CSMD2: variants seen among roughly 807,000 people sequenced by gnomAD.
CSMD2 encodes the protein CUB and sushi domain-containing protein 2.
A neutral mutation model predicts 398.5 loss-of-function variants in CSMD2; 130 were observed. That is an observed-to-expected ratio of 0.33 (90% CI 0.28 to 0.38). CSMD2 has a LOEUF of 0.38. CSMD2 is among the 10% of genes least tolerant of loss of function. CSMD2 has a pLI of 1.00. For missense variants in CSMD2, 3,829 were observed against 4,764.9 expected (o/e 0.80, Z 5.78); for synonymous variants, 1,828 against 1,908.5 (o/e 0.96, Z 1.10).
intron 44 of CSMD2, among the ~76,000 whole-genome samples, chr1:33,595,938 G>T (rs887886118): frequency 9.2e-5 from 14 of 152,290 alleles, no homozygotes; most frequent in Admixed American, 9.1e-4. Flanking sequence ...AAACACACAT[G>T]TACTCAAACA....
upstream of CSMD2, chr1:34,165,287 C>A: frequency 1.7e-6 from 2 of 1,205,512 alleles, no homozygotes; most frequent in Non-Finnish European, 2.1e-6. Context: ...AAATGACTCG[C>A]TCCAATCCCG....
intron 13 of CSMD2, among the ~76,000 whole-genome samples, chr1:33,768,696 C>T (rs997468497): frequency 1.3e-5 from 2 of 152,022 alleles, no homozygotes; most frequent in African/African-American, 4.8e-5. Flanking sequence ...TTTCCCACAG[C>T]ATCTCTTTCC....
intron 2 of CSMD2, among the ~76,000 whole-genome samples, chr1:34,073,461 A>T (rs769791323): frequency 8.7e-4 from 132 of 152,210 alleles, no homozygotes; most frequent in Non-Finnish European, 1.7e-3. Flanking sequence ...ATCCTTATTT[A>T]AAAAGAAATT....
At position 34,045,038 on chromosome 1, in the gene CSMD2, T is replaced by TACACAC. The variant is rs10588687; in HGVS notation, c.405-12338_405-12333dup. Among the ~76,000 whole-genome samples, 1,227 of 142,814 alleles carry TACACAC rather than the reference T, an allele frequency of 8.6e-3. 14 individuals are homozygous for TACACAC. The highest frequency in any genetic ancestry group is 0.02 in the African/African-American group (798 of 39,188). 93.7% of individuals were successfully genotyped at this position (142,814 alleles called of 152,430 possible). A position where few individuals can be genotyped will look rare whatever the true frequency, so the allele number is the denominator to read the frequency against. On this transcript the variant is annotated intron_variant, in intron 2 of 70. Coordinates refer to ENST00000373381, the MANE Select transcript of CSMD2 (RefSeq NM_001281956.2). ...GGACATTAGTCATAATCACACACCATACACACACACACACACACACACACA... is the reference window on the plus strand; with the variant it reads ...GGACATTAGTCATAATCACACACCATACACACACACACACACACACACACACACACA...
At position 33,533,812 on chromosome 1, in the gene CSMD2, G is replaced by C; in HGVS notation, c.9975C>G (p.Thr3325=). 1.9e-6 allele frequency: 3 copies of C among 1,612,590 alleles called. No individual in the cohort carries two copies. Among genetic ancestry groups the C allele is most frequent in the Non-Finnish European group, 2.5e-6 (3 of 1,178,604 alleles). The change falls in exon 63 of 71, where the codon ACC becomes ACG. Residue 3325 remains threonine (T), a synonymous_variant. Transcript: ENST00000373381. This position sits in a 1 kb window ranked among gnomAD's most constrained non-coding sequence, Gnocchi z 4.2. ...TGCACTCACGGACACAGTCAGGTGG[G>C]GTTCCACTCCAGGTCAGGTTTGGGA... ...TCLPNLTWSG[T]PPDCVPHHCR...
intron 2 of CSMD2, among the ~76,000 whole-genome samples, chr1:34,052,686 A>G (rs1320596416): frequency 1.3e-5 from 2 of 152,176 alleles, no homozygotes; most frequent in Non-Finnish European, 2.9e-5. Context: ...TCCATTTAGA[A>G]CAAGAAGGAC....
chr1:34,078,725 AC>A (rs913030375), intron 2 of CSMD2, among the ~76,000 whole-genome samples: 1 of 152,232 alleles, frequency 6.6e-6, no homozygotes, highest in African/African-American at 2.4e-5. Context: ...ACAGGAGGTG[AC>A]CTACCTGCTC....
At chr1:33,588,872 C>A (rs974522145) in intron 44 of CSMD2, among the ~76,000 whole-genome samples, 3 of 152,166 alleles carry the variant, frequency 2.0e-5, no homozygotes, top group Non-Finnish European at 4.4e-5. Context: ...TGGAGTGACA[C>A]CTCAGAGCCA....
chr1:33,601,102 A>T, intron 43 of CSMD2, 92 bp from the exon 44 acceptor site: 1 of 1,512,124 alleles, frequency 6.6e-7, no homozygotes, highest in South Asian at 1.2e-5. Context: ...ACAGACCTGG[A>T]GTGGGAGGCT....
chr1:33,724,536 C>T lies in CSMD2; in HGVS notation c.2864G>A (p.Arg955Gln), dbSNP rs372482372. The T allele has an allele frequency of 1.4e-5, 23 of 1,613,972 alleles. No individual in the cohort carries two copies. Among genetic ancestry groups the T allele is most frequent in the South Asian group, 1.3e-4 (12 of 91,036 alleles). ...CTCACCTTCACAACTGGGCAGGGCCCGGCTCCACTGGAAGTTGGGCTCACA... is the reference window on the plus strand; with the variant it reads ...CTCACCTTCACAACTGGGCAGGGCCTGGCTCCACTGGAAGTTGGGCTCACA... ...LECEPNFQWS[R>Q]ALPSCEALCG... is the part of the protein sequence containing the mutation. Residue 955 changes from arginine (R) to glutamine (Q), a missense_variant, in exon 18 of 71, where the codon CGG becomes CAG. Arg to Gln is a conservative substitution (Grantham distance 43). Around this residue, in one of 5 missense-constraint regions of CSMD2, gnomAD observed 2,001 missense variants for 2,567.1 expected, o/e 0.78. Coordinates refer to ENST00000373381, the MANE Select transcript of CSMD2 (RefSeq NM_001281956.2).
At chr1:33,998,574 G>A (rs1646799615) in intron 3 of CSMD2, among the ~76,000 whole-genome samples, 1 of 152,184 alleles carries the variant, frequency 6.6e-6, no homozygotes. Context: ...ACTGCAGCCT[G>A]CAGATCTGTA....
At chr1:33,720,788 C>A (rs890058758) in intron 19 of CSMD2, among the ~76,000 whole-genome samples, 2 of 152,178 alleles carry the variant, frequency 1.3e-5, no homozygotes, top group Non-Finnish European at 2.9e-5. Flanking sequence ...ACCTCTGCCT[C>A]CTGGGTTTAA....
intron 3 of CSMD2, among the ~76,000 whole-genome samples, chr1:34,016,130 G>A (rs1444126350): frequency 1.3e-5 from 2 of 151,906 alleles, no homozygotes; most frequent in Non-Finnish European, 2.9e-5. Context: ...TTTATTTATA[G>A]AGAAACATAT....
chr1:33,587,222 C>A (rs1172591217), intron 44 of CSMD2, 54 bp from the exon 45 acceptor site: 2 of 1,275,126 alleles, frequency 1.6e-6, no homozygotes, highest in African/African-American at 2.9e-5. Context: ...TCCAGGTACA[C>A]CGTCATTCAT....
intron 19 of CSMD2, among the ~76,000 whole-genome samples, chr1:33,717,041 G>T (rs1646194912): frequency 6.6e-6 from 1 of 152,150 alleles, no homozygotes; most frequent in Non-Finnish European, 1.5e-5. Flanking sequence ...GTAAACAATT[G>T]ACATGGATCT....
intron 5 of CSMD2, among the ~76,000 whole-genome samples, chr1:33,872,260 A>G (rs1392380766): frequency 6.6e-6 from 1 of 152,138 alleles, no homozygotes; most frequent in Non-Finnish European, 1.5e-5. Flanking sequence ...CTTATGTGAG[A>G]AGAGAGAAAA....
intron 49 of CSMD2, among the ~76,000 whole-genome samples, chr1:33,574,000 G>C (rs1225302146): frequency 2.6e-5 from 4 of 152,154 alleles, no homozygotes; most frequent in African/African-American, 9.7e-5. Context: ...AAAGATAATG[G>C]AACAAAGCTT....
At chr1:33,705,664 T>C (rs1365663566) in intron 22 of CSMD2, among the ~76,000 whole-genome samples, 1 of 152,040 alleles carries the variant, frequency 6.6e-6, no homozygotes, top group Non-Finnish European at 1.5e-5. Context: ...TTTTTTAATA[T>C]TAGTACTTTT....
rs142272146 is a variant in CSMD2 at position 33,553,768 on chromosome 1, T to C, written c.8744-3418A>G. On this transcript the variant is annotated intron_variant, in intron 55 of 70. Transcript: ENST00000373381. ...TGAATAAGAAAATGAAACAGCCTTA[T>C]TGCCAACATGGAGAAAGTTTGAGTA... Among the ~76,000 whole-genome samples the C allele has an allele frequency of 3.9e-3, 592 of 152,292 alleles. 1 individual carries two copies. Among genetic ancestry groups the C allele is most frequent in the Middle Eastern group, 6.8e-3 (2 of 294 alleles).
Sources: allele counts gnomAD v4.1 joint callset (sites outside exome capture counted in the v4.1 genomes callset), GRCh38; gene constraint gnomAD v4.1.1; regional missense constraint gnomAD v4.1.1; non-coding constraint Gnocchi (gnomAD v3.1); transcripts MANE v1.5; gene names NCBI Gene and HGNC (gene_info 2026-07-23, HGNC 2026-07-21).